The following SCHIP1 variants were observed in gnomAD, a reference collection of about 807,000 sequenced individuals.
The protein encoded by SCHIP1 is schwannomin-interacting protein 1.
Under a neutral mutation model 29.7 loss-of-function variants are expected in SCHIP1, and 8 were observed. That is an observed-to-expected ratio of 0.27 (90% CI 0.16 to 0.49). The LOEUF (loss-of-function observed/expected upper bound fraction) is 0.49. SCHIP1 is among the 20% of genes least tolerant of loss of function. The pLI, the probability that SCHIP1 is intolerant of heterozygous loss-of-function variation, is 0.99. For missense variants in SCHIP1, 193 were observed against 294.6 expected (o/e 0.66, Z 2.52); for synonymous variants, 76 against 94.9 (o/e 0.80, Z 1.16).
the SCHIP1 span, among the ~76,000 whole-genome samples, chr3:159,747,240 G>T: frequency 6.6e-6 from 1 of 152,130 alleles, no homozygotes; most frequent in African/African-American, 2.4e-5. Context: ...AACAGTCTTG[G>T]ATCTGAGAAG....
At chr3:159,514,210 C>T in the SCHIP1 span, among the ~76,000 whole-genome samples, 27 of 152,134 alleles carry the variant, frequency 1.8e-4, no homozygotes, top group Middle Eastern at 3.4e-3. Context: ...TATGAATGTG[C>T]GTCGGAAAGG....
chr3:159,549,468 G>C, the SCHIP1 span, among the ~76,000 whole-genome samples: 3 of 152,080 alleles, frequency 2.0e-5, no homozygotes, highest in East Asian at 5.8e-4. Context: ...TAAGGGTGAG[G>C]CCCTTTCTGA....
At chr3:159,749,216 C>T in the SCHIP1 span, among the ~76,000 whole-genome samples, 67 of 151,918 alleles carry the variant, frequency 4.4e-4, no homozygotes, top group African/African-American at 1.2e-3. Context: ...GGTGGGGTAG[C>T]GGGGAGTTGG....
At chr3:159,514,745 A>C in the SCHIP1 span, among the ~76,000 whole-genome samples, 1 of 152,202 alleles carries the variant, frequency 6.6e-6, no homozygotes, top group African/African-American at 2.4e-5. Context: ...CTTCAAATAC[A>C]ATCAATATGT....
At chr3:159,386,585 A>T in the SCHIP1 span, among the ~76,000 whole-genome samples, 2 of 152,210 alleles carry the variant, frequency 1.3e-5, no homozygotes, top group African/African-American at 4.8e-5. Context: ...CACATAGCCA[A>T]GACAATCCTA....
At chr3:159,680,651 T>TA in the SCHIP1 span, among the ~76,000 whole-genome samples, 9 of 54,148 alleles carry the variant, frequency 1.7e-4, no homozygotes, top group Non-Finnish European at 2.9e-4. Context: ...ATATAATATA[T>TA]GTATATATAA....
the SCHIP1 span, among the ~76,000 whole-genome samples, chr3:159,289,406 C>CTTATTTAT: frequency 1.9e-4 from 28 of 150,216 alleles, 1 homozygote; most frequent in Non-Finnish European, 2.5e-4. Context: ...ACATAAAGCT[C>CTTATTTAT]TTATTTATTT....
At chr3:159,411,696 C>T in the SCHIP1 span, among the ~76,000 whole-genome samples, 1 of 152,262 alleles carries the variant, frequency 6.6e-6, no homozygotes, top group Non-Finnish European at 1.5e-5. Context: ...AATCAGTTAT[C>T]TGGCCATTAT....
the SCHIP1 span, among the ~76,000 whole-genome samples, chr3:159,604,069 T>C: frequency 6.6e-6 from 1 of 152,306 alleles, no homozygotes; most frequent in Non-Finnish European, 1.5e-5. Context: ...TTTCAATACA[T>C]GAACTTTTGG....
chr3:159,274,302 T>C, the SCHIP1 span: 1 of 984,622 alleles, frequency 1.0e-6, no homozygotes, highest in African/African-American at 1.7e-5. Context: ...TGTTAAACTT[T>C]TTCAATTTAG....
chr3:159,345,377 C>T, the SCHIP1 span, among the ~76,000 whole-genome samples: 4 of 152,056 alleles, frequency 2.6e-5, no homozygotes, highest in South Asian at 2.1e-4. Context: ...ACGCTAAAAA[C>T]GATATGACTA....
intron 2 of SCHIP1, among the ~76,000 whole-genome samples, chr3:159,873,837 G>A (rs1052062023): frequency 4.6e-5 from 7 of 152,108 alleles, no homozygotes; most frequent in Non-Finnish European, 1.0e-4. Flanking sequence ...AGGTTTCTAA[G>A]AAATATTAGG....
chr3:159,776,046 T>G, the SCHIP1 span, among the ~76,000 whole-genome samples: 983 of 152,274 alleles, frequency 6.5e-3, 15 homozygotes, highest in African/African-American at 0.023. Flanking sequence ...GTGTTAAACT[T>G]ATTTCCAAAA....
chr3:159,492,950 T>G, the SCHIP1 span, among the ~76,000 whole-genome samples: 3 of 152,154 alleles, frequency 2.0e-5, no homozygotes, highest in Non-Finnish European at 4.4e-5. Context: ...CAATAGTCAA[T>G]ATTTTTAAAG....
chr3:159,501,414 C>A, the SCHIP1 span, among the ~76,000 whole-genome samples: 8 of 152,166 alleles, frequency 5.3e-5, no homozygotes, highest in African/African-American at 1.9e-4. Context: ...TCCCCAAAAG[C>A]AAATTTACAT....
At chr3:159,609,894 A>G in the SCHIP1 span, among the ~76,000 whole-genome samples, 1 of 152,130 alleles carries the variant, frequency 6.6e-6, no homozygotes, top group African/African-American at 2.4e-5. Context: ...GAAATGACCT[A>G]ATCAGACATG....
chr3:159,551,607 G>C, the SCHIP1 span, among the ~76,000 whole-genome samples: 1 of 152,020 alleles, frequency 6.6e-6, no homozygotes, highest in African/African-American at 2.4e-5. Flanking sequence ...AGGCCTATGG[G>C]TTGCTCAATA....
the SCHIP1 span, among the ~76,000 whole-genome samples, chr3:159,478,046 C>T: frequency 6.6e-6 from 1 of 151,602 alleles, no homozygotes; most frequent in African/African-American, 2.4e-5. Flanking sequence ...CCTCAGCCTC[C>T]AGAGTAGCTG....
At chr3:159,612,915 T>C in the SCHIP1 span, among the ~76,000 whole-genome samples, 2 of 152,206 alleles carry the variant, frequency 1.3e-5, no homozygotes, top group East Asian at 1.9e-4. Flanking sequence ...CAGATGTAGT[T>C]TATTGTGTTT....
Sources: allele counts gnomAD v4.1 joint callset (sites outside exome capture counted in the v4.1 genomes callset), GRCh38; gene constraint gnomAD v4.1.1; transcripts MANE v1.5; gene names NCBI Gene and HGNC (gene_info 2026-07-23, HGNC 2026-07-21).